ATP13A4: variants seen among roughly 807,000 people sequenced by gnomAD.
ATP13A4 encodes probable cation-transporting ATPase 13A4.
Under a neutral mutation model 142.5 loss-of-function variants are expected in ATP13A4, and 114 were observed. That is an observed-to-expected ratio of 0.80 (90% CI 0.69 to 0.93). ATP13A4 has a LOEUF of 0.93. Among genes scored for constraint, ATP13A4 ranks in the 40% least tolerant of loss-of-function variants. ATP13A4 has a pLI of 0.00. For missense variants in ATP13A4, 1,392 were observed against 1,454.0 expected (o/e 0.96, Z 0.69); for synonymous variants, 488 against 514.8 (o/e 0.95, Z 0.70).
chr3:193,407,456 A>G (rs533943298), intron 28 of ATP13A4, 63 bp from the exon 29 acceptor site: 5 of 1,282,774 alleles, frequency 3.9e-6, no homozygotes, highest in South Asian at 2.4e-5. Context: ...ACATGCTCAC[A>G]TGTTCACAGC....
chr3:193,433,984 A>T, intron 24 of ATP13A4, 67 bp from the exon 25 acceptor site: 1 of 1,250,438 alleles, frequency 8.0e-7, no homozygotes, highest in Non-Finnish European at 1.2e-6. Flanking sequence ...TATTGATTAC[A>T]TTTATTTTCT....
intron 1 of ATP13A4, among the ~76,000 whole-genome samples, chr3:193,588,722 T>A (rs1376372923): frequency 6.6e-6 from 1 of 152,208 alleles, no homozygotes; most frequent in Non-Finnish European, 1.5e-5. Flanking sequence ...TAACTGTTGC[T>A]ACCCATTACT....
intron 16 of ATP13A4, among the ~76,000 whole-genome samples, chr3:193,455,990 G>A (rs116401924): frequency 3.9e-5 from 6 of 152,042 alleles, no homozygotes; most frequent in Admixed American, 1.3e-4. Context: ...ATGGACATAG[G>A]GGGGAACAAC....
chr3:193,479,881 C>T (rs1224119807), intron 8 of ATP13A4, among the ~76,000 whole-genome samples: 1 of 152,108 alleles, frequency 6.6e-6, no homozygotes, highest in East Asian at 1.9e-4. Context: ...TATAAGACCA[C>T]AGTCACCAAA....
rs373133445 is a variant in ATP13A4, at chr3:193,439,051, A to T, written c.2534T>A (p.Met845Lys). 5.5e-5 allele frequency: 89 copies of T among 1,609,050 alleles called. No individual in the cohort carries two copies. The highest frequency in any genetic ancestry group is 7.2e-5 in the Non-Finnish European group (85 of 1,175,476). ...ACAGTCATTGGCTCCATCACCACAC[A>T]TACCTACAAAGTAACTAAGAGGGAA... The part of the protein sequence containing the change: ...EFQKLDYFVG[M>K]CGDGANDCGA... The change falls in exon 22 of 30, where the codon ATG becomes AAG. Residue 845 changes from methionine to lysine, a missense_variant. Coordinates refer to ENST00000342695, the MANE Select transcript of ATP13A4 (RefSeq NM_032279.4).
At chr3:193,480,415 C>A (rs1395153473) in intron 8 of ATP13A4, among the ~76,000 whole-genome samples, 1 of 151,546 alleles carries the variant, frequency 6.6e-6, no homozygotes, top group Non-Finnish European at 1.5e-5. Flanking sequence ...TACGAGGAAC[C>A]CAAACAAATC....
intron 8 of ATP13A4, among the ~76,000 whole-genome samples, chr3:193,473,029 A>T (rs1188617003): frequency 6.6e-6 from 1 of 152,248 alleles, no homozygotes; most frequent in Non-Finnish European, 1.5e-5. Flanking sequence ...AATAGTAATG[A>T]GCACATCCAG....
intron 1 of ATP13A4, among the ~76,000 whole-genome samples, chr3:193,583,122 C>T (rs1032399633): frequency 1.3e-5 from 2 of 150,812 alleles, no homozygotes; most frequent in Admixed American, 6.7e-5. Flanking sequence ...ATGGTCAATA[C>T]GTACTTTACT....
At chr3:193,579,567 T>C (rs1294408842) in intron 2 of ATP13A4, 1 of 152,198 alleles carries the variant, frequency 6.6e-6, no homozygotes, top group African/African-American at 2.4e-5. Context: ...TAAACATCAC[T>C]CTGTGTTTTC....
chr3:193,463,852 AG>A (rs1326883300), intron 12 of ATP13A4, among the ~76,000 whole-genome samples: 2 of 152,186 alleles, frequency 1.3e-5, no homozygotes, highest in East Asian at 3.9e-4. Context: ...TGTTCTTGGT[AG>A]ATCTTTCTGA....
At chr3:193,470,812 T>C (rs1234912351) in intron 9 of ATP13A4, 47 bp downstream of exon 9, 10 of 1,612,908 alleles carry the variant, frequency 6.2e-6, no homozygotes, top group African/African-American at 1.3e-5. Flanking sequence ...CAGCGTGGAG[T>C]GTGGGCCAGC....
At chr3:193,427,249 T>A (rs1463619160) in intron 25 of ATP13A4, among the ~76,000 whole-genome samples, 1 of 152,048 alleles carries the variant, frequency 6.6e-6, no homozygotes, top group Non-Finnish European at 1.5e-5. Context: ...TTACAAGGGA[T>A]GTGAAGGATC....
chr3:193,540,975 C>A (rs577844907), intron 1 of ATP13A4, among the ~76,000 whole-genome samples: 2 of 152,116 alleles, frequency 1.3e-5, no homozygotes, highest in African/African-American at 4.8e-5. Context: ...TAGGGCCGGG[C>A]GCGGTGGCTC....
In ATP13A4 at chr3:193,404,558, G is replaced by A. The variant is rs151076613; in HGVS notation, c.3379-1694C>T. Among the ~76,000 whole-genome samples, 1,286 of 152,240 alleles carry A rather than the reference G, an allele frequency of 8.4e-3. 27 individuals carry two copies. The highest frequency in any genetic ancestry group is 0.029 in the African/African-American group (1,219 of 41,536). On this transcript the variant is annotated intron_variant, in intron 29 of 29. Transcript: ENST00000342695. ...GATGGATTTCCTTCTTGCTGTTTTCGTGATAGTGAGTGAGTTCTCATGAGA... is the reference window on the plus strand; with the variant it reads ...GATGGATTTCCTTCTTGCTGTTTTCATGATAGTGAGTGAGTTCTCATGAGA...
intron 19 of ATP13A4, 62 bp from the exon 20 acceptor site, chr3:193,441,650 G>A: frequency 6.3e-7 from 1 of 1,575,066 alleles, no homozygotes; most frequent in African/African-American, 1.3e-5. Context: ...AGAACCATAA[G>A]CATATCTGAG....
rs1243708606 is a variant in ATP13A4 at position 193,401,461 on chromosome 3, C to T, written c.*1191G>A. 6.6e-6 allele frequency among the ~76,000 whole-genome samples: 1 copy of T among 152,104 alleles called. No individual in the cohort carries two copies. The highest frequency in any genetic ancestry group is 1.5e-5 in the Non-Finnish European group (1 of 68,026). ...TGCCATATAATGCTGTAGCATGAGA[C>T]TAATGTTTCTCAAAAATAATAAAGC... On this transcript the variant is annotated 3_prime_UTR_variant, in exon 30 of 30. Transcript: ENST00000342695.
chr3:193,431,394 G>C (rs982300601), intron 25 of ATP13A4, among the ~76,000 whole-genome samples: 16 of 151,984 alleles, frequency 1.1e-4, no homozygotes, highest in East Asian at 3.9e-4. Flanking sequence ...GGACATCAAG[G>C]CTGGAGATAT....
At chr3:193,490,476 T>C (rs937716713) in intron 6 of ATP13A4, among the ~76,000 whole-genome samples, 1 of 152,210 alleles carries the variant, frequency 6.6e-6, no homozygotes, top group Non-Finnish European at 1.5e-5. Context: ...TTCTCATAAG[T>C]AGAGAGCTGT....
At chr3:193,442,359 G>C in intron 19 of ATP13A4, 34 bp downstream of exon 19, 1 of 1,596,808 alleles carries the variant, frequency 6.3e-7, no homozygotes, top group Non-Finnish European at 8.6e-7. Flanking sequence ...AAGACACATT[G>C]ATAATGTGGC....
Sources: gnomAD v4.1 joint callset for allele counts (sites outside exome capture counted in the v4.1 genomes callset) on GRCh38, gnomAD v4.1.1 for gene constraint, MANE v1.5 for transcripts, NCBI Gene and HGNC (gene_info 2026-07-23, HGNC 2026-07-21) for gene names.